TM2D2: variants seen among roughly 807,000 people sequenced by gnomAD.
The protein encoded by TM2D2 is TM2 domain-containing protein 2.
Under a neutral mutation model 23.0 loss-of-function variants are expected in TM2D2, and 19 were observed. That is an observed-to-expected ratio of 0.82 (90% CI 0.58 to 1.21). TM2D2 has a LOEUF of 1.21. TM2D2 is among the 50% of genes most tolerant of loss of function. The pLI, the probability that TM2D2 is intolerant of heterozygous loss-of-function variation, is 0.00. For missense variants in TM2D2, 246 were observed against 265.4 expected (o/e 0.93, Z 0.51); for synonymous variants, 120 against 108.8 (o/e 1.10, Z -0.64).
At chr8:38,995,717 G>A in intron 1 of TM2D2, 2 of 1,302,578 alleles carry the variant, frequency 1.5e-6, no homozygotes, top group Non-Finnish European at 9.7e-7. Flanking sequence ...TTAAGCCAAA[G>A]TATTCTCAGT....
upstream of TM2D2, chr8:38,996,822 T>A (rs1408155036): frequency 5.6e-6 from 8 of 1,437,652 alleles, no homozygotes; most frequent in East Asian, 1.8e-4. Context: ...GGTTTAGAAA[T>A]CCTATTCTCG....
At chr8:38,994,568 CCT>C (rs956070989) in intron 2 of TM2D2, among the ~76,000 whole-genome samples, 3 of 152,018 alleles carry the variant, frequency 2.0e-5, no homozygotes, top group Non-Finnish European at 2.9e-5. Context: ...CAGGTTTATT[CCT>C]CTGTGTCTGA....
Position 38,988,967 on chromosome 8 carries a change from A to G in TM2D2, c.*2365T>C, listed in dbSNP as rs964818453. 6.6e-6 allele frequency: 1 copy of G among 152,262 alleles called. No homozygotes were observed. Among genetic ancestry groups the G allele is most frequent in the African/African-American group, 2.4e-5 (1 of 41,468 alleles). The allele number at this position is 152,262 out of a possible 1,614,324, so 9.4% of individuals were successfully genotyped here. A position where few individuals can be genotyped will look rare whatever the true frequency, so the allele number is the denominator to read the frequency against. On this transcript the variant is annotated 3_prime_UTR_variant, in exon 4 of 4. Transcript: ENST00000456397. ...CATATACAAATGGATCTGTCTACCA[A>G]AATTTAAGAAACAACCTGAATAAAG...
intron 2 of TM2D2, among the ~76,000 whole-genome samples, chr8:38,994,508 T>G (rs1835697033): frequency 6.6e-6 from 1 of 152,236 alleles, no homozygotes; most frequent in Non-Finnish European, 1.5e-5. Flanking sequence ...TCTTAAATAT[T>G]TATCTATACA....
upstream of TM2D2, chr8:38,996,514 G>A: frequency 6.3e-7 from 1 of 1,579,486 alleles, no homozygotes; most frequent in Non-Finnish European, 8.6e-7. Context: ...AGAACTGCGT[G>A]GTCAGGCCTT....
chr8:38,989,175 G>C lies in TM2D2; in HGVS notation c.*2157C>G, dbSNP rs1212291022. ...ATTCTCAAATTACCACTCTAGCAGC[G>C]AGAACAACTTCTTTTGTCTCCAGCA... On this transcript the variant is annotated 3_prime_UTR_variant, in exon 4 of 4. Coordinates refer to ENST00000456397, the MANE Select transcript of TM2D2 (RefSeq NM_078473.3). 6.6e-6 allele frequency: 1 copy of C among 152,176 alleles called. No individual in the cohort carries two copies. The highest frequency in any genetic ancestry group is 1.9e-4 in the East Asian group (1 of 5,194). 9.4% of individuals were successfully genotyped at this position (152,176 alleles called of 1,614,324 possible).
rs1432063542 is a variant in TM2D2, at chr8:38,989,906, T to G, written c.*1426A>C. 6.6e-6 allele frequency: 1 copy of G among 151,826 alleles called. No homozygotes were observed. Among genetic ancestry groups the G allele is most frequent in the African/African-American group, 2.4e-5 (1 of 41,298 alleles). 9.4% of individuals were successfully genotyped at this position (151,826 alleles called of 1,614,324 possible). On this transcript the variant is annotated 3_prime_UTR_variant, in exon 4 of 4. Transcript: ENST00000456397. ...AGATGAACCCAAGTTCTATGTAAAT[T>G]CTGTGTATGTAGATTTTTCTGGGGA...
rs144231538 is a variant in TM2D2, at chr8:38,993,426, A to G, written c.431+119T>C. On this transcript the variant is annotated intron_variant, in intron 3 of 3. Transcript: ENST00000456397. ...AGCCATGATTGCACCACTGCACTCC[A>G]GCCTGGGTAACAGAGTGAGACCCTG... 4.6e-4 allele frequency: 299 copies of G among 656,410 alleles called. 2 individuals are homozygous for G. In the African/African-American group the frequency reaches 5.3e-3, roughly 12 times the overall value. The allele number at this position is 656,410 out of a possible 1,614,324, so 40.7% of individuals were successfully genotyped here.
intron 2 of TM2D2, chr8:38,993,977 T>C (rs531629437): frequency 3.8e-5 from 7 of 183,278 alleles, no homozygotes; most frequent in Admixed American, 1.2e-4. Context: ...GCTTTACTTA[T>C]CTTTACTTAT....
At position 38,996,498 on chromosome 8, in the gene TM2D2, G is replaced by A. The variant is rs967928626; in HGVS notation, c.-59C>T. On this transcript the variant is annotated 5_prime_UTR_variant, in exon 1 of 4. Transcript: ENST00000456397. ...ACCACAACCCCAGGCCAGCAGCACA[G>A]ACCCAAGAACTGCGTGGTCAGGCCT... is the stretch of plus-strand genomic sequence containing the variant. 6.2e-7 allele frequency: 1 copy of A among 1,604,828 alleles called. No individual in the cohort carries two copies. The highest frequency in any genetic ancestry group is 8.5e-7 in the Non-Finnish European group (1 of 1,174,456).
Position 38,991,443 on chromosome 8 carries a change from C to G in TM2D2, c.534G>C (p.Gly178=). The G allele has an allele frequency of 6.2e-7, 1 of 1,614,190 alleles. No individual in the cohort carries two copies. Residue 178 remains glycine (G), a synonymous_variant, in exon 4 of 4, where the codon GGG becomes GGC. Coordinates refer to ENST00000456397, the MANE Select transcript of TM2D2 (RefSeq NM_078473.3). ...CAAGTCCTCCAAGCGTCAACAGCTT[C>G]CCTACTGCAGTGCCAGTGTGTCCCA... The part of the protein sequence containing the change: ...FCLGHTGTAV[G]KLLTLGGLGI...
At chr8:38,994,888 T>C (rs2129429234) in intron 2 of TM2D2, among the ~76,000 whole-genome samples, 1 of 152,342 alleles carries the variant, frequency 6.6e-6, no homozygotes, top group Non-Finnish European at 1.5e-5. Flanking sequence ...GGAACCTGTT[T>C]GCCTGGAGAA....
In TM2D2 at chr8:38,993,008, A is replaced by G. The variant is rs548643474; in HGVS notation, c.431+537T>C. Among the ~76,000 whole-genome samples, 6 of 152,276 alleles carry G rather than the reference A, an allele frequency of 3.9e-5. No individual in the cohort carries two copies. The East Asian group carries it at 1.2e-3, about 29-fold the overall frequency. ...AACTGATTTTCAGAGTGTGGAGCCT[A>G]CACTTTTTATAATAAAACCTTTATT... On this transcript the variant is annotated intron_variant, in intron 3 of 3. Coordinates refer to ENST00000456397, the MANE Select transcript of TM2D2 (RefSeq NM_078473.3).
In TM2D2 at chr8:38,993,654, C is replaced by T. The variant is rs765267190; in HGVS notation, c.322G>A (p.Gly108Ser). 2.6e-5 allele frequency: 42 copies of T among 1,612,604 alleles called. No individual in the cohort carries two copies. Among genetic ancestry groups the T allele is most frequent in the East Asian group, 4.5e-5 (2 of 44,858 alleles). The change falls in exon 3 of 4, where the codon GGT becomes AGT. Residue 108 changes from glycine to serine, a missense_variant. Physicochemically the swap from Gly to Ser is moderately conservative, Grantham distance 56. This residue lies in a region of TM2D2 where 212 missense variants were observed against 202.2 expected (regional missense o/e 1.05). Coordinates refer to ENST00000456397, the MANE Select transcript of TM2D2 (RefSeq NM_078473.3). ...TGTTCCACGTCGCTGTAGGCCTGAC[C>T]GCCGAACTGTGGAATAACAACCAAG... ...ELGYGCLKFG[G>S]QAYSDVEHTS... is the part of the protein sequence containing the mutation.
intron 1 of TM2D2, 42 bp downstream of exon 1, chr8:38,996,171 C>T (rs1835779007): frequency 3.1e-6 from 5 of 1,590,002 alleles, no homozygotes; most frequent in Non-Finnish European, 4.3e-6. Flanking sequence ...ATATTCCTGG[C>T]ACACCCTCCA....
intron 1 of TM2D2, chr8:38,995,839 T>C: frequency 2.5e-6 from 3 of 1,182,124 alleles, no homozygotes; most frequent in South Asian, 4.7e-5. Context: ...AGATGCCTTG[T>C]AGGCAGAGAC....
chr8:38,996,128 G>T, intron 1 of TM2D2, 85 bp downstream of exon 1: 3 of 1,451,510 alleles, frequency 2.1e-6, no homozygotes, highest in Non-Finnish European at 2.8e-6. Flanking sequence ...AAAATGCAGC[G>T]TCCCCCCAAC....
At chr8:38,992,673 A>AC (rs1486991548) in intron 3 of TM2D2, among the ~76,000 whole-genome samples, 2 of 152,160 alleles carry the variant, frequency 1.3e-5, no homozygotes, top group Non-Finnish European at 2.9e-5. Flanking sequence ...CATTTGCACA[A>AC]CAGGCACCAT....
chr8:38,995,778 TA>T (rs1835755630), intron 1 of TM2D2: 1 of 1,251,624 alleles, frequency 8.0e-7, no homozygotes, highest in Non-Finnish European at 1.0e-6. Flanking sequence ...AAAGAGATGT[TA>T]AAAAATGGCG....
Sources: allele counts gnomAD v4.1 joint callset (sites outside exome capture counted in the v4.1 genomes callset), GRCh38; gene constraint gnomAD v4.1.1; regional missense constraint gnomAD v4.1.1; transcripts MANE v1.5; gene names NCBI Gene and HGNC (gene_info 2026-07-23, HGNC 2026-07-21).